Variants in TRPV1 observed in about 807,000 individuals in gnomAD.
TRPV1 encodes the protein OTRPC1.
In TRPV1, 82 loss-of-function variants were observed where a neutral mutation model predicts 82.3. The observed-to-expected ratio is 1.00, with a 90% CI of 0.83 to 1.20. TRPV1 has a LOEUF of 1.20. Ranked by LOEUF, TRPV1 falls within the 50% of genes most tolerant of loss-of-function variation. The pLI is 0.00. For missense variants in TRPV1, 1,067 were observed against 1,096.8 expected (o/e 0.97, Z 0.38); for synonymous variants, 515 against 467.7 (o/e 1.10, Z -1.30).
intron 5 of TRPV1, 99 bp downstream of exon 5, chr17:3,590,865 T>G: frequency 6.9e-7 from 1 of 1,442,192 alleles, no homozygotes; most frequent in East Asian, 2.5e-5. Flanking sequence ...GGACAGGGAG[T>G]AAGGATCCCA....
chr17:3,575,178 T>C (rs2074912590), intron 13 of TRPV1, among the ~76,000 whole-genome samples: 1 of 152,096 alleles, frequency 6.6e-6, no homozygotes, highest in African/African-American at 2.4e-5. Flanking sequence ...GCAGAAGCAA[T>C]GATGGAGTTA....
In TRPV1 at chr17:3,572,562, T is replaced by G. The variant is rs1960505873; in HGVS notation, c.2104-313A>C. Among the ~76,000 whole-genome samples the G allele has an allele frequency of 2.6e-5, 4 of 152,162 alleles. No homozygotes were observed. The South Asian group carries it at 6.2e-4, about 24-fold the overall frequency. On this transcript the variant is annotated intron_variant, in intron 14 of 16. Coordinates refer to ENST00000572705, the MANE Select transcript of TRPV1 (RefSeq NM_080704.4). The stretch of plus-strand genomic sequence containing the variant: ...GGAGCTCACAAGGGGCAACATAGGG[T>G]AGGGCTGAGAGCAGGGCCACGAGTG...
intron 2 of TRPV1, among the ~76,000 whole-genome samples, chr17:3,607,538 ATTTT>A (rs71379522): frequency 7.1e-6 from 1 of 140,800 alleles, no homozygotes. Context: ...AAGTAGAACA[ATTTT>A]TTTTTTTTTT....
chr17:3,568,271 A>G (rs568271056), intron 16 of TRPV1, among the ~76,000 whole-genome samples: 3,031 of 151,266 alleles, frequency 0.02, 45 homozygotes, highest in Non-Finnish European at 0.027. Flanking sequence ...GCAGTGAGCC[A>G]AGATTGCGCC....
In TRPV1 at chr17:3,566,004, T is replaced by A. The variant is rs2074756537; in HGVS notation, c.*811A>T. ...CTGGCCAACATGGTGAAACCCCGTC[T>A]CTATTAAAAATACAAAAATTAGCCG... On this transcript the variant is annotated 3_prime_UTR_variant, in exon 17 of 17. Transcript: ENST00000572705. The A allele has an allele frequency of 6.7e-6, 1 of 149,810 alleles. No homozygotes were observed. Among genetic ancestry groups the A allele is most frequent in the African/African-American group, 2.5e-5 (1 of 40,580 alleles). The allele number at this position is 149,810 out of a possible 1,614,324, so 9.3% of individuals were successfully genotyped here.
At chr17:3,595,521 G>T in intron 2 of TRPV1, 1 of 152,360 alleles carries the variant, frequency 6.6e-6, no homozygotes, top group East Asian at 1.9e-4. Context: ...GCTCAAACAA[G>T]CAGCTCAGGA....
chr17:3,591,402 C>A (rs1169205988), intron 3 of TRPV1, 49 bp from the exon 4 acceptor site: 1 of 1,521,374 alleles, frequency 6.6e-7, no homozygotes, highest in Non-Finnish European at 8.8e-7. Flanking sequence ...TCCCCTCGGC[C>A]CTGAGGCCTT....
intron 2 of TRPV1, among the ~76,000 whole-genome samples, chr17:3,603,526 C>A (rs80308233): frequency 0.024 from 3,651 of 152,234 alleles, 160 homozygotes; most frequent in African/African-American, 0.083. Flanking sequence ...AAATTACAGC[C>A]AAGAACACCT....
At chr17:3,576,668 A>AAAATATATATATATATATAT in intron 13 of TRPV1, among the ~76,000 whole-genome samples, 1 of 38,422 alleles carries the variant, frequency 2.6e-5, no homozygotes. Flanking sequence ...AAAAAAAAAA[A>AAAATATATATATATATATAT]ATATATATAT....
Position 3,577,750 on chromosome 17 carries a change from G to A in TRPV1, c.1561C>T (p.Leu521=). ...AGCACCACGGTGGCCAGCATGAACAGTGACTGCAGAAAGCTGCGGGTGGAG... is the reference window on the plus strand; with the variant it reads ...AGCACCACGGTGGCCAGCATGAACAATGACTGCAGAAAGCTGCGGGTGGAG... ...YSEMLFFLQS[L]FMLATVVLYF... Residue 521 remains leucine (L), a synonymous_variant, in exon 12 of 17, where the codon CTG becomes TTG. Coordinates refer to ENST00000572705, the MANE Select transcript of TRPV1 (RefSeq NM_080704.4). The A allele has an allele frequency of 1.3e-6, 2 of 1,592,848 alleles. No individual in the cohort carries two copies. Among genetic ancestry groups the A allele is most frequent in the African/African-American group, 1.3e-5 (1 of 74,530 alleles).
At position 3,572,632 on chromosome 17, in the gene TRPV1, T is replaced by TGGCC. The variant is rs1301169671; in HGVS notation, c.2104-387_2104-384dup. 2.6e-5 allele frequency among the ~76,000 whole-genome samples: 4 copies of TGGCC among 151,896 alleles called. No homozygotes were observed. The East Asian group carries it at 7.7e-4, about 29-fold the overall frequency. ...CTGGCTCTGCCACTTACCAGCCATGTGGCCTTGAGCACAGATACCTAACTT... is the reference window on the plus strand; with the variant it reads ...CTGGCTCTGCCACTTACCAGCCATGTGGCCGGCCTTGAGCACAGATACCTAACTT... On this transcript the variant is annotated intron_variant, in intron 14 of 16. Transcript: ENST00000572705.
intron 16 of TRPV1, among the ~76,000 whole-genome samples, chr17:3,568,282 A>G (rs890190972): frequency 6.6e-6 from 1 of 150,844 alleles, no homozygotes; most frequent in Non-Finnish European, 1.5e-5. Context: ...AGATTGCGCC[A>G]CTGCACTCCA....
intron 10 of TRPV1, 77 bp downstream of exon 10, chr17:3,583,261 G>C: frequency 8.0e-7 from 1 of 1,254,752 alleles, no homozygotes; most frequent in Non-Finnish European, 1.1e-6. Context: ...ATTAAAAAGT[G>C]AGTGAGCGCT....
chr17:3,574,530 G>A (rs560157384), intron 13 of TRPV1, among the ~76,000 whole-genome samples: 4 of 152,320 alleles, frequency 2.6e-5, no homozygotes, highest in African/African-American at 7.2e-5. Context: ...CTTAGTCACA[G>A]GTGCCCATCC....
intron 13 of TRPV1, among the ~76,000 whole-genome samples, chr17:3,574,434 A>C (rs887595984): frequency 1.3e-5 from 2 of 151,096 alleles, no homozygotes; most frequent in African/African-American, 2.4e-5. Context: ...GTATCCACAA[A>C]CCCCCCCGGC....
At chr17:3,591,502 G>A in intron 3 of TRPV1, 149 bp from the exon 4 acceptor site, 3 of 914,018 alleles carry the variant, frequency 3.3e-6, no homozygotes, top group Non-Finnish European at 3.2e-6. Context: ...CTAGGTGACT[G>A]TCCAGAAAAG....
intron 11 of TRPV1, 67 bp from the exon 12 acceptor site, chr17:3,577,830 A>G: frequency 6.7e-7 from 1 of 1,488,956 alleles, no homozygotes. Flanking sequence ...CCAGAACAAA[A>G]GGTCACAGGC....
intron 2 of TRPV1, among the ~76,000 whole-genome samples, chr17:3,605,450 T>C (rs2075290831): frequency 6.6e-6 from 1 of 151,446 alleles, no homozygotes; most frequent in South Asian, 2.1e-4. Flanking sequence ...GCTGAGGTTG[T>C]AGTAAGCTGA....
chr17:3,588,828 AAAC>A, intron 7 of TRPV1: 6 of 1,369,846 alleles, frequency 4.4e-6, no homozygotes, highest in African/African-American at 1.5e-5. Context: ...AAAAAAAAAA[AAAC>A]AAAACACACA....
Sources: gnomAD v4.1 joint callset for allele counts (sites outside exome capture counted in the v4.1 genomes callset) on GRCh38, gnomAD v4.1.1 for gene constraint, MANE v1.5 for transcripts, NCBI Gene and HGNC (gene_info 2026-07-23, HGNC 2026-07-21) for gene names.